WDPCP: variants seen among roughly 807,000 people sequenced by gnomAD.
WDPCP encodes the protein WD repeat-containing and planar cell polarity effector protein fritz homolog.
Under a neutral mutation model 93.1 loss-of-function variants are expected in WDPCP, and 71 were observed. The observed-to-expected ratio is 0.76, with a 90% CI of 0.63 to 0.93. The LOEUF is 0.93. WDPCP is among the 40% of genes least tolerant of loss of function. The pLI, the probability that WDPCP is intolerant of heterozygous loss-of-function variation, is 0.00. For synonymous variants in WDPCP, 315 were observed against 315.0 expected, an observed-to-expected ratio of 1.00 and a Z score of 0.00; for missense variants, 844 against 887.4, an observed-to-expected ratio of 0.95 and a Z score of 0.62.
chr2:63,161,123 A>G (rs900163383), intron 15 of WDPCP, among the ~76,000 whole-genome samples: 3 of 152,212 alleles, frequency 2.0e-5, no homozygotes, highest in African/African-American at 7.2e-5. Flanking sequence ...TCTGTAAGGA[A>G]AATACTACAT....
chr2:63,597,439 C>G, intron 3 of WDPCP: 1 of 1,472,812 alleles, frequency 6.8e-7, no homozygotes, highest in South Asian at 1.4e-5. Context: ...CCTTCAAAGA[C>G]CTGGATGTGG....
intron 12 of WDPCP, among the ~76,000 whole-genome samples, chr2:63,373,986 C>A (rs1259409440): frequency 6.6e-6 from 1 of 151,540 alleles, no homozygotes; most frequent in Non-Finnish European, 1.5e-5. Context: ...TTTTAACCCC[C>A]TGAATTAGAC....
chr2:63,669,370 T>A (rs1217198566), intron 2 of WDPCP, among the ~76,000 whole-genome samples: 3 of 150,264 alleles, frequency 2.0e-5, no homozygotes, highest in East Asian at 1.9e-4. Flanking sequence ...TTTATTTTAT[T>A]TTTTTTTGAG....
At chr2:63,143,911 T>C (rs1356890508) in intron 17 of WDPCP, among the ~76,000 whole-genome samples, 1 of 152,216 alleles carries the variant, frequency 6.6e-6, no homozygotes, top group Non-Finnish European at 1.5e-5. Context: ...CTGATGACTA[T>C]GTGCCTAGGC....
chr2:63,837,455 G>T, the WDPCP span, among the ~76,000 whole-genome samples: 1 of 152,158 alleles, frequency 6.6e-6, no homozygotes, highest in Admixed American at 6.5e-5. Context: ...GATAACTGTT[G>T]CCTGGTCTCT....
intron 1 of WDPCP, among the ~76,000 whole-genome samples, chr2:63,511,312 C>A (rs868025081): frequency 7.9e-5 from 12 of 152,122 alleles, no homozygotes; most frequent in Admixed American, 2.0e-4. Flanking sequence ...ATGAAAATGG[C>A]CATACTTCCC....
intron 2 of WDPCP, among the ~76,000 whole-genome samples, chr2:63,651,973 A>G (rs944552574): frequency 6.6e-6 from 1 of 152,244 alleles, no homozygotes; most frequent in African/African-American, 2.4e-5. Context: ...CCTCAAGGAT[A>G]TAAACAGCCT....
chr2:63,415,139 AT>A, intron 9 of WDPCP, among the ~76,000 whole-genome samples: 1 of 152,320 alleles, frequency 6.6e-6, no homozygotes, highest in East Asian at 1.9e-4. Context: ...AGGCGGGAGG[AT>A]TACTTGAGCC....
intron 14 of WDPCP, among the ~76,000 whole-genome samples, chr2:63,252,937 A>G (rs1026279829): frequency 6.6e-6 from 1 of 152,188 alleles, no homozygotes; most frequent in Non-Finnish European, 1.5e-5. Flanking sequence ...TGGAACCAAA[A>G]AAGAGCCCAG....
chr2:63,772,518 G>A (rs1272050607), intron 2 of WDPCP, among the ~76,000 whole-genome samples: 1 of 152,024 alleles, frequency 6.6e-6, no homozygotes, highest in East Asian at 1.9e-4. Flanking sequence ...TCTCTTCTAT[G>A]ACAGATGCAA....
chr2:63,283,012 T>G (rs1024445743), intron 13 of WDPCP, among the ~76,000 whole-genome samples: 1 of 152,240 alleles, frequency 6.6e-6, no homozygotes, highest in Admixed American at 6.5e-5. Context: ...TTTTGGAATT[T>G]CGTGGAATTT....
chr2:63,156,040 C>T (rs1335402120), intron 15 of WDPCP, among the ~76,000 whole-genome samples: 3 of 152,152 alleles, frequency 2.0e-5, no homozygotes, highest in Admixed American at 2.0e-4. Flanking sequence ...CGCTCTGTTG[C>T]TCAGACTGGA....
chr2:63,578,239 T>C (rs1708248465), intron 1 of WDPCP, among the ~76,000 whole-genome samples: 1 of 152,200 alleles, frequency 6.6e-6, no homozygotes, highest in African/African-American at 2.4e-5. Flanking sequence ...TTATACCAAT[T>C]TTCAGCATTA....
intron 12 of WDPCP, among the ~76,000 whole-genome samples, chr2:63,357,035 A>T (rs1327567841): frequency 2.6e-5 from 4 of 152,228 alleles, no homozygotes; most frequent in African/African-American, 9.6e-5. Context: ...GAGAGTATCT[A>T]TTCAATAAAT....
chr2:63,827,567 G>A (rs971749501), intron 1 of WDPCP: 2 of 152,228 alleles, frequency 1.3e-5, no homozygotes, highest in African/African-American at 4.8e-5. Context: ...ATTTGCATAA[G>A]ACAGACAATC....
intron 13 of WDPCP, among the ~76,000 whole-genome samples, chr2:63,306,933 GAA>G (rs1251280591): frequency 2.0e-5 from 3 of 152,174 alleles, no homozygotes; most frequent in African/African-American, 7.2e-5. Flanking sequence ...AATCAAATAG[GAA>G]GAGAGGAAGT....
chr2:63,238,503 G>A (rs1679595425), intron 14 of WDPCP, among the ~76,000 whole-genome samples: 1 of 152,064 alleles, frequency 6.6e-6, no homozygotes, highest in South Asian at 2.1e-4. Context: ...TAAATTTTAT[G>A]AAATATGAAT....
chr2:63,646,459 T>C lies in WDPCP; in HGVS notation n.488+4200A>G, dbSNP rs1186171506. ...ACACCATAGTTACATTATTATAATATTCTGTGTTTTTCTGTGTACTTACTA... is the reference window on the plus strand; with the variant it reads ...ACACCATAGTTACATTATTATAATACTCTGTGTTTTTCTGTGTACTTACTA... On this transcript the variant is annotated intron_variant and non_coding_transcript_variant, in intron 3 of 4. Transcript: ENST00000467687. 2.6e-5 allele frequency among the ~76,000 whole-genome samples: 4 copies of C among 152,142 alleles called. No individual in the cohort carries two copies. In the South Asian group the frequency reaches 6.2e-4, roughly 24 times the overall value.
chr2:63,537,021 G>A (rs1023327921), intron 1 of WDPCP, among the ~76,000 whole-genome samples: 2 of 152,038 alleles, frequency 1.3e-5, no homozygotes, highest in Non-Finnish European at 2.9e-5. Context: ...ACCCGCCTCA[G>A]CCTCCCATAG....
Sources: gnomAD v4.1 joint callset for allele counts (sites outside exome capture counted in the v4.1 genomes callset) on GRCh38, gnomAD v4.1.1 for gene constraint, MANE v1.5 for transcripts, NCBI Gene and HGNC (gene_info 2026-07-23, HGNC 2026-07-21) for gene names.